KYAT1: variants seen among roughly 807,000 people sequenced by gnomAD.
KYAT1 encodes kynurenine aminotransferase 1, also known as kynurenine--oxoglutarate transaminase 1.
In KYAT1, 47 loss-of-function variants were observed where a neutral mutation model predicts 52.4. That is an observed-to-expected ratio of 0.90 (90% CI 0.71 to 1.14). The LOEUF (loss-of-function observed/expected upper bound fraction) is 1.14. Among genes scored for constraint, KYAT1 ranks in the 50% most tolerant of loss-of-function variants. The pLI, the probability that KYAT1 is intolerant of heterozygous loss-of-function variation, is 0.00. For missense variants in KYAT1, 480 were observed against 557.9 expected, an observed-to-expected ratio of 0.86 and a Z score of 1.41; for synonymous variants, 212 against 209.6, an observed-to-expected ratio of 1.01 and a Z score of -0.10.
intron 1 of KYAT1, chr9:128,847,528 T>A: frequency 6.5e-7 from 1 of 1,535,100 alleles, no homozygotes; most frequent in Non-Finnish European, 8.7e-7. Flanking sequence ...GTCCTGAACA[T>A]GCCTCCCAGA....
intron 1 of KYAT1, among the ~76,000 whole-genome samples, chr9:128,849,183 G>A (rs2119236166): frequency 6.6e-6 from 1 of 150,750 alleles, no homozygotes; most frequent in Non-Finnish European, 1.5e-5. Flanking sequence ...AGGCTGAGGT[G>A]GACGGATCAC....
At position 128,845,420 on chromosome 9, in the gene KYAT1, G is replaced by C. The variant is rs752999915; in HGVS notation, c.-6-9C>G. On this transcript the variant is annotated splice_polypyrimidine_tract_variant and intron_variant, in intron 1 of 12. Coordinates refer to ENST00000302586, the MANE Select transcript of KYAT1 (RefSeq NM_004059.5). ...TGTTTGGCCATGGCGAGCTGGAGAC[G>C]AACAAGTGGAAGGTCAGAGATGGAA... 1.2e-6 allele frequency: 2 copies of C among 1,613,380 alleles called. No individual in the cohort carries two copies. Among genetic ancestry groups the C allele is most frequent in the Non-Finnish European group, 1.7e-6 (2 of 1,179,820 alleles).
Position 128,838,327 on chromosome 9 carries a change from C to G in KYAT1, c.242G>C (p.Gly81Ala), listed in dbSNP as rs1831515367. The change falls in exon 4 of 13, where the codon GGG becomes GCG. Residue 81 changes from glycine to alanine, a missense_variant. Transcript: ENST00000302586. ...GTCTATCTCCTGACCCAGCAGCTCC[C>G]CAAAGAAACTTGCCAGGATCTTCGT... Reference protein sequence around the residue: ...PLTKILASFFGELLGQEIDPL... With the variant: ...PLTKILASFFAELLGQEIDPL... 9.3e-6 allele frequency: 15 copies of G among 1,614,158 alleles called. No individual in the cohort carries two copies. Among genetic ancestry groups the G allele is most frequent in the Admixed American group, 1.7e-5 (1 of 60,020 alleles).
At chr9:128,866,627 T>C (rs1304952245) in intron 1 of KYAT1, among the ~76,000 whole-genome samples, 1 of 145,398 alleles carries the variant, frequency 6.9e-6, no homozygotes, top group Non-Finnish European at 1.5e-5. Context: ...AAGAAAATAG[T>C]CGCCGGGCGC....
chr9:128,856,732 A>G (rs1834657283), intron 1 of KYAT1, among the ~76,000 whole-genome samples: 1 of 152,354 alleles, frequency 6.6e-6, no homozygotes, highest in South Asian at 2.1e-4. Flanking sequence ...TCTAATCTCA[A>G]TAAACCAGGG....
At chr9:128,844,750 A>G (rs753194998) in intron 2 of KYAT1, among the ~76,000 whole-genome samples, 14 of 151,864 alleles carry the variant, frequency 9.2e-5, no homozygotes, top group Non-Finnish European at 2.1e-4. Context: ...CTGTAATCCC[A>G]GCTACTTGGA....
rs200319091 is a variant in KYAT1 at position 128,857,414 on chromosome 9, CTGA to C, written c.-6-12006_-6-12004del. Among the ~76,000 whole-genome samples, 595 of 152,316 alleles carry C rather than the reference CTGA, an allele frequency of 3.9e-3. 3 individuals are homozygous for C. Among genetic ancestry groups the C allele is most frequent in the African/African-American group, 0.013 (522 of 41,566 alleles). On this transcript the variant is annotated intron_variant, in intron 1 of 12. Coordinates refer to ENST00000302586, the MANE Select transcript of KYAT1 (RefSeq NM_004059.5). ...TTCTTTTCTCAGTCTCTCGTCCCAC[CTGA>C]TGAGATACCCACAGGTGTGGAGGGA...
At chr9:128,865,340 TATATA>T (rs1836155026) in intron 1 of KYAT1, among the ~76,000 whole-genome samples, 23 of 2,218 alleles carry the variant, frequency 0.01, 2 homozygotes, top group Admixed American at 0.015. Context: ...TATATATATA[TATATA>T]TATATATATA....
rs1207296224 is a variant in KYAT1, at chr9:128,838,125, C to T, written c.364G>A (p.Glu122Lys). Residue 122 changes from glutamate (E) to lysine (K), a missense_variant, in exon 5 of 13, where the codon GAA becomes AAA. Transcript: ENST00000302586. Reference protein sequence around the residue: ...VDEGDEVIIIEPFFDCYEPMT... With the variant: ...VDEGDEVIIIKPFFDCYEPMT... Reference sequence around the variant, plus strand: ...GGCTCGTAGCAGTCAAAAAAGGGTTCGATGATGATGACCTGATATAAGGGT... The same window carrying T: ...GGCTCGTAGCAGTCAAAAAAGGGTTTGATGATGATGACCTGATATAAGGGT... The T allele has an allele frequency of 7.4e-6, 12 of 1,614,146 alleles. No individual in the cohort carries two copies. The highest frequency in any genetic ancestry group is 1.6e-4 in the Middle Eastern group (1 of 6,062).
intron 1 of KYAT1, among the ~76,000 whole-genome samples, chr9:128,862,106 C>G (rs368768577): frequency 1.3e-5 from 2 of 152,204 alleles, no homozygotes; most frequent in East Asian, 3.8e-4. Context: ...TCAAATCAGT[C>G]TTTTTTTCCT....
Position 128,880,172 on chromosome 9 carries a change from G to T in KYAT1, c.-7+1725C>A, listed in dbSNP as rs187053527. On this transcript the variant is annotated intron_variant, in intron 1 of 12. Coordinates refer to ENST00000302586, the MANE Select transcript of KYAT1 (RefSeq NM_004059.5). ...TACAGGCGGGGACATGGAGGCCCAC[G>T]GAGTACCTGGCAGGCCCACAGTCCA... Among the ~76,000 whole-genome samples the T allele has an allele frequency of 2.5e-4, 38 of 152,246 alleles. No homozygotes were observed. The East Asian group carries it at 5.8e-3, about 23-fold the overall frequency.
At chr9:128,852,883 T>C (rs574187781) in intron 1 of KYAT1, among the ~76,000 whole-genome samples, 4 of 152,164 alleles carry the variant, frequency 2.6e-5, no homozygotes, top group Non-Finnish European at 5.9e-5. Context: ...ACTAAAGAAA[T>C]TGAATTAGTT....
intron 1 of KYAT1, among the ~76,000 whole-genome samples, chr9:128,876,923 G>A (rs1838130544): frequency 6.7e-6 from 1 of 149,954 alleles, no homozygotes; most frequent in Non-Finnish European, 1.5e-5. Flanking sequence ...TTTTGAGATG[G>A]AGTCTCACTC....
intron 8 of KYAT1, 30 bp from the exon 9 acceptor site, chr9:128,835,898 G>T: frequency 6.2e-7 from 1 of 1,611,858 alleles, no homozygotes; most frequent in Non-Finnish European, 8.5e-7. Flanking sequence ...AGGGGGAGAG[G>T]TCCTTCCAGA....
rs116185450 is a variant in KYAT1, at chr9:128,850,207, C to T, written c.-6-4796G>A. On this transcript the variant is annotated intron_variant, in intron 1 of 12. Coordinates refer to ENST00000302586, the MANE Select transcript of KYAT1 (RefSeq NM_004059.5). ...GGCCAGCCCAGGCTGTTCTTGAACC[C>T]CTGACTTCAAGCGATCCTCCTTCTT... 6.1e-3 allele frequency among the ~76,000 whole-genome samples: 929 copies of T among 152,070 alleles called. 9 individuals carry two copies. Among genetic ancestry groups the T allele is most frequent in the African/African-American group, 0.021 (872 of 41,490 alleles).
At chr9:128,859,529 G>A (rs1300819317) in intron 1 of KYAT1, among the ~76,000 whole-genome samples, 1 of 151,946 alleles carries the variant, frequency 6.6e-6, no homozygotes, top group Non-Finnish European at 1.5e-5. Flanking sequence ...TTAGCTGGGT[G>A]TGGTGGCGCA....
At chr9:128,835,745 C>G (rs769794749) in intron 9 of KYAT1, 34 bp downstream of exon 9, 2 of 1,604,950 alleles carry the variant, frequency 1.2e-6, no homozygotes, top group Non-Finnish European at 1.7e-6. Context: ...TTTGTTGTCC[C>G]CCCACTCCCC....
intron 11 of KYAT1, 139 bp from the exon 12 acceptor site, chr9:128,833,965 C>T (rs1830555742): frequency 3.0e-6 from 2 of 664,008 alleles, no homozygotes; most frequent in African/African-American, 3.6e-5. Flanking sequence ...GCATCAAAGT[C>T]AGAGGAACAA....
At chr9:128,859,321 A>C (rs928941569) in intron 1 of KYAT1, among the ~76,000 whole-genome samples, 1 of 150,036 alleles carries the variant, frequency 6.7e-6, no homozygotes, top group Non-Finnish European at 1.5e-5. Context: ...AGATCGCGCC[A>C]CTGCACTCCA....
Sources: allele counts gnomAD v4.1 joint callset (sites outside exome capture counted in the v4.1 genomes callset), GRCh38; gene constraint gnomAD v4.1.1; transcripts MANE v1.5; gene names NCBI Gene and HGNC (gene_info 2026-07-23, HGNC 2026-07-21).